Variants in PTCHD4 observed in about 807,000 individuals in gnomAD.
PTCHD4 encodes the protein patched domain containing 4, also known as patched domain-containing protein 4.
Under a neutral mutation model 58.1 loss-of-function variants are expected in PTCHD4, and 33 were observed. The observed-to-expected ratio is 0.57, with a 90% CI of 0.43 to 0.76. The LOEUF (loss-of-function observed/expected upper bound fraction) is 0.76. Among genes scored for constraint, PTCHD4 ranks in the 30% least tolerant of loss-of-function variants. The pLI is 0.00. For synonymous variants in PTCHD4, 478 were observed against 409.6 expected (o/e 1.17, Z -2.02); for missense variants, 1,058 against 1,027.1 (o/e 1.03, Z -0.41).
chr6:47,961,352 C>T (rs1001385817), intron 4 of PTCHD4, among the ~76,000 whole-genome samples: 15 of 151,254 alleles, frequency 9.9e-5, no homozygotes, highest in African/African-American at 1.9e-4. Flanking sequence ...GAGTCAGTGG[C>T]GTGATCTCGG....
At chr6:48,107,838 A>G (rs1377670630) in intron 1 of PTCHD4, among the ~76,000 whole-genome samples, 2 of 152,240 alleles carry the variant, frequency 1.3e-5, no homozygotes, top group Non-Finnish European at 2.9e-5. Flanking sequence ...CAGCCAAAAA[A>G]CACATGAAAA....
At chr6:48,065,436 T>G (rs1764763170) in intron 3 of PTCHD4, among the ~76,000 whole-genome samples, 1 of 152,096 alleles carries the variant, frequency 6.6e-6, no homozygotes, top group Non-Finnish European at 1.5e-5. Flanking sequence ...ATATAAAAAT[T>G]TTCCTCAAAT....
At chr6:48,015,037 C>A (rs1364862288) in intron 3 of PTCHD4, among the ~76,000 whole-genome samples, 1 of 152,128 alleles carries the variant, frequency 6.6e-6, no homozygotes, top group Non-Finnish European at 1.5e-5. Flanking sequence ...TATACTGATT[C>A]AACTTCTTCT....
chr6:48,035,169 ATAT>A lies in PTCHD4; in HGVS notation c.418-26058_418-26056del, dbSNP rs1279624354. Among the ~76,000 whole-genome samples, 3 of 152,252 alleles carry A rather than the reference ATAT, an allele frequency of 2.0e-5. No individual in the cohort carries two copies. In the East Asian group the frequency reaches 5.8e-4, roughly 29 times the overall value. On this transcript the variant is annotated intron_variant, in intron 3 of 4. Coordinates refer to ENST00000339488, the MANE Select transcript of PTCHD4 (RefSeq NM_001384253.1). ...TTATTTTGCAGAGAAATACATTGAAATATTATGATTTTTCCTAGTCATATAATA... is the reference window on the plus strand; with the variant it reads ...TTATTTTGCAGAGAAATACATTGAAATATGATTTTTCCTAGTCATATAATA...
intron 1 of PTCHD4, among the ~76,000 whole-genome samples, chr6:48,110,411 T>G (rs1765840769): frequency 6.6e-6 from 1 of 152,028 alleles, no homozygotes; most frequent in Non-Finnish European, 1.5e-5. Context: ...CACACAGATT[T>G]TTTTAAAAAA....
chr6:48,019,658 C>G (rs80213421), intron 3 of PTCHD4, among the ~76,000 whole-genome samples: 1 of 151,932 alleles, frequency 6.6e-6, no homozygotes, highest in South Asian at 2.1e-4. Flanking sequence ...ATGGCGTTAA[C>G]CCGGCAGGCG....
At chr6:48,052,211 G>A (rs1764259032) in intron 3 of PTCHD4, among the ~76,000 whole-genome samples, 1 of 152,008 alleles carries the variant, frequency 6.6e-6, no homozygotes, top group African/African-American at 2.4e-5. Flanking sequence ...GAACTTAAAA[G>A]TTTAATGTTT....
chr6:47,918,829 C>G lies in PTCHD4; in HGVS notation c.899-38893G>C, dbSNP rs139041008. ...TTGAAATTTTCATGTACTCTTACTG[C>G]TAGGTGTAATCACATGACTAAGTTC... is the stretch of plus-strand genomic sequence containing the variant. On this transcript the variant is annotated intron_variant, in intron 4 of 4. Transcript: ENST00000339488. Among the ~76,000 whole-genome samples, 295 of 152,200 alleles carry G rather than the reference C, an allele frequency of 1.9e-3. 1 individual carries two copies. The highest frequency in any genetic ancestry group is 6.8e-3 in the African/African-American group (283 of 41,540).
In PTCHD4 at chr6:48,015,677, C is replaced by T. The variant is rs185971836; in HGVS notation, c.418-6563G>A. Among the ~76,000 whole-genome samples, 12 of 152,010 alleles carry T rather than the reference C, an allele frequency of 7.9e-5. 1 individual carries two copies. The highest frequency in any genetic ancestry group is 2.9e-4 in the African/African-American group (12 of 41,376). ...CCTTGCAATCATTCTATTGCATAGA[C>T]CTTTTATCTTCTTCCTACAAATGAT... On this transcript the variant is annotated intron_variant, in intron 3 of 4. Transcript: ENST00000339488.
intron 3 of PTCHD4, among the ~76,000 whole-genome samples, chr6:48,032,764 CATA>C (rs1376542410): frequency 6.6e-6 from 1 of 152,070 alleles, no homozygotes; most frequent in African/African-American, 2.4e-5. Context: ...TTAGAATTGA[CATA>C]ATAATTTTTA....
intron 1 of PTCHD4, among the ~76,000 whole-genome samples, chr6:48,070,833 T>C (rs551911362): frequency 6.6e-6 from 1 of 152,306 alleles, no homozygotes; most frequent in East Asian, 1.9e-4. Flanking sequence ...TGACACATGA[T>C]GGGAAAGTTT....
intron 3 of PTCHD4, among the ~76,000 whole-genome samples, chr6:48,042,442 C>A (rs1429206248): frequency 6.6e-6 from 1 of 151,918 alleles, no homozygotes. Context: ...CAATACAACA[C>A]AATATAATAC....
At position 47,883,204 on chromosome 6, in the gene PTCHD4, A is replaced by G. The variant is rs890300451; in HGVS notation, c.899-3268T>C. On this transcript the variant is annotated intron_variant, in intron 4 of 4. Transcript: ENST00000339488. ...GATATAAGGGTAAACAAGGAACACAATCTTTTTCAACAACTGTCCAGAAAG... is the reference window on the plus strand; with the variant it reads ...GATATAAGGGTAAACAAGGAACACAGTCTTTTTCAACAACTGTCCAGAAAG... Among the ~76,000 whole-genome samples the G allele has an allele frequency of 4.6e-5, 7 of 152,092 alleles. No homozygotes were observed. The East Asian group carries it at 5.8e-4, about 13-fold the overall frequency.
intron 4 of PTCHD4, among the ~76,000 whole-genome samples, chr6:47,969,015 T>TA (rs1324763565): frequency 3.9e-5 from 6 of 152,204 alleles, no homozygotes; most frequent in African/African-American, 7.2e-5. Flanking sequence ...ATATATTGCA[T>TA]AAACTTTATA....
intron 1 of PTCHD4, among the ~76,000 whole-genome samples, chr6:48,092,781 T>C (rs1765392932): frequency 1.3e-5 from 2 of 152,160 alleles, no homozygotes; most frequent in Admixed American, 6.5e-5. Context: ...CAACTCCCCT[T>C]CCCTAGCATG....
rs1763752803 is a variant in PTCHD4 at position 47,872,838 on chromosome 6, T to C, written c.*5465A>G. ...GTAGACTAGGAAGTTATACTATAAA[T>C]ATATTCTTAACCCTATATATTGCTC... is the stretch of plus-strand genomic sequence containing the variant. On this transcript the variant is annotated 3_prime_UTR_variant, in exon 5 of 5. Coordinates refer to ENST00000339488, the MANE Select transcript of PTCHD4 (RefSeq NM_001384253.1). 6.6e-6 allele frequency among the ~76,000 whole-genome samples: 1 copy of C among 151,660 alleles called. No homozygotes were observed. Among genetic ancestry groups the C allele is most frequent in the African/African-American group, 2.4e-5 (1 of 41,364 alleles).
At chr6:47,881,100 A>G (rs1764009636) in intron 4 of PTCHD4, among the ~76,000 whole-genome samples, 1 of 152,170 alleles carries the variant, frequency 6.6e-6, no homozygotes, top group East Asian at 1.9e-4. Context: ...AATCCATTAG[A>G]CAAAGACATA....
intron 4 of PTCHD4, among the ~76,000 whole-genome samples, chr6:47,986,821 C>T (rs1768082196): frequency 6.6e-6 from 1 of 152,038 alleles, no homozygotes; most frequent in Admixed American, 6.6e-5. Context: ...ATAAGGTTAC[C>T]AGTGATATAG....
chr6:47,972,326 T>C (rs1389258191), intron 4 of PTCHD4, among the ~76,000 whole-genome samples: 5 of 152,174 alleles, frequency 3.3e-5, no homozygotes. Flanking sequence ...AGGATAATGG[T>C]TATGTTAGAA....
Sources: allele counts gnomAD v4.1 joint callset (sites outside exome capture counted in the v4.1 genomes callset), GRCh38; gene constraint gnomAD v4.1.1; transcripts MANE v1.5; gene names NCBI Gene and HGNC (gene_info 2026-07-23, HGNC 2026-07-21).